Variants in OTOGL observed in about 807,000 individuals in gnomAD.
The protein encoded by OTOGL is otogelin-like protein.
OTOGL carries 285 observed loss-of-function variants against 318.5 expected under a neutral mutation model. The observed-to-expected ratio is 0.89, with a 90% CI of 0.81 to 0.99. The LOEUF is 0.99. Among genes scored for constraint, OTOGL ranks in the 50% least tolerant of loss-of-function variants. The pLI is 0.00. For synonymous variants in OTOGL, 987 were observed against 936.5 expected, an observed-to-expected ratio of 1.05 and a Z score of -0.99; for missense variants, 2,899 against 2,845.6, an observed-to-expected ratio of 1.02 and a Z score of -0.43.
intron 52 of OTOGL, among the ~76,000 whole-genome samples, chr12:80,359,142 CT>C (rs1377642105): frequency 1.3e-5 from 2 of 152,092 alleles, no homozygotes; most frequent in African/African-American, 4.8e-5. Context: ...AATCTTATAT[CT>C]ACTTCAGTTC....
chr12:80,326,511 G>A (rs1887688705), intron 35 of OTOGL, among the ~76,000 whole-genome samples: 1 of 152,068 alleles, frequency 6.6e-6, no homozygotes, highest in African/African-American at 2.4e-5. Context: ...GGATGGCTGT[G>A]GTTTTGACTT....
intron 19 of OTOGL, among the ~76,000 whole-genome samples, chr12:80,263,620 A>C (rs1054771075): frequency 3.3e-5 from 5 of 152,098 alleles, no homozygotes; most frequent in Non-Finnish European, 7.4e-5. Flanking sequence ...CCTAAACCAC[A>C]CACATGCTAT....
At chr12:80,121,669 C>T (rs1870498134) in intron 1 of OTOGL, among the ~76,000 whole-genome samples, 1 of 152,186 alleles carries the variant, frequency 6.6e-6, no homozygotes, top group Non-Finnish European at 1.5e-5. Flanking sequence ...CACTAAAACA[C>T]TTCTCTTCGT....
At chr12:80,198,532 C>T (rs1876239249) in intron 1 of OTOGL, among the ~76,000 whole-genome samples, 4 of 152,070 alleles carry the variant, frequency 2.6e-5, no homozygotes, top group Admixed American at 2.0e-4. Flanking sequence ...TGCAGTGAGC[C>T]GAGATCATGC....
chr12:80,246,133 T>C (rs1421999945), intron 11 of OTOGL, among the ~76,000 whole-genome samples: 1 of 151,644 alleles, frequency 6.6e-6, no homozygotes, highest in Non-Finnish European at 1.5e-5. Flanking sequence ...CTTCCTCTTT[T>C]CCTAATTGAA....
At chr12:80,325,983 G>T (rs1887654332) in intron 35 of OTOGL, among the ~76,000 whole-genome samples, 1 of 152,072 alleles carries the variant, frequency 6.6e-6, no homozygotes, top group African/African-American at 2.4e-5. Flanking sequence ...TGTATGTTTG[G>T]GATGCAGAGA....
chr12:80,254,683 C>G, intron 15 of OTOGL, 113 bp downstream of exon 15: 3 of 820,798 alleles, frequency 3.7e-6, no homozygotes, highest in Admixed American at 5.7e-5. Flanking sequence ...CTACAATAAT[C>G]TGTAAATGCA....
At chr12:80,165,579 G>C (rs2137203250) in intron 1 of OTOGL, among the ~76,000 whole-genome samples, 1 of 152,292 alleles carries the variant, frequency 6.6e-6, no homozygotes, top group South Asian at 2.1e-4. Flanking sequence ...ACTGAGCTCT[G>C]TTTCTTCTGT....
chr12:80,287,196 G>A (rs991014277), intron 26 of OTOGL, among the ~76,000 whole-genome samples: 7 of 151,732 alleles, frequency 4.6e-5, no homozygotes, highest in African/African-American at 1.7e-4. Flanking sequence ...TTTCCATGTA[G>A]TTGTGCAGTT....
chr12:80,266,400 G>A, intron 20 of OTOGL, 51 bp from the exon 21 acceptor site: 2 of 1,581,434 alleles, frequency 1.3e-6, no homozygotes, highest in Non-Finnish European at 1.7e-6. Flanking sequence ...GGCATAAAAT[G>A]TTTCTATGTG....
rs1362296985 is a variant in OTOGL at position 80,355,896 on chromosome 12, A to C, written c.5754A>C (p.Glu1918Asp). 1.2e-6 allele frequency: 2 copies of C among 1,613,946 alleles called. No homozygotes were observed. Among genetic ancestry groups the C allele is most frequent in the Non-Finnish European group, 1.7e-6 (2 of 1,179,826 alleles). Residue 1918 changes from glutamate to aspartate, a missense_variant, in exon 47 of 59, where the codon GAA becomes GAC. Coordinates refer to ENST00000547103, the MANE Select transcript of OTOGL (RefSeq NM_001378609.3). ...EPTPVCEREA[E>D]VVMGIIDKWT... The stretch of plus-strand genomic sequence containing the variant: ...CGCCAGTTTGTGAACGAGAAGCTGA[A>C]GTTGTCATGGGCATCATTGATAAAT...
chr12:80,229,436 A>G lies in OTOGL; in HGVS notation c.611+58A>G, dbSNP rs1158851609. The G allele has an allele frequency of 2.0e-6, 3 of 1,524,936 alleles. No individual in the cohort carries two copies. In the African/African-American group the frequency reaches 4.1e-5, roughly 21 times the overall value. 94.5% of individuals were successfully genotyped at this position (1,524,936 alleles called of 1,614,324 possible). ...CACCACAAATTAATAGAATTTCCAA[A>G]CATCACATGCTGGAAGTGAACTGTG... On this transcript the variant is annotated intron_variant, in intron 8 of 58. Coordinates refer to ENST00000547103, the MANE Select transcript of OTOGL (RefSeq NM_001378609.3).
intron 23 of OTOGL, among the ~76,000 whole-genome samples, chr12:80,271,341 G>T (rs1883392531): frequency 6.6e-6 from 1 of 152,076 alleles, no homozygotes; most frequent in Admixed American, 6.6e-5. Context: ...ATGACTTGAG[G>T]TGAAGCAAGA....
intron 16 of OTOGL, among the ~76,000 whole-genome samples, chr12:80,255,949 CT>C (rs1377953598): frequency 6.6e-6 from 1 of 151,662 alleles, no homozygotes. Flanking sequence ...GCTTTATTGA[CT>C]TTTTTTGTCT....
intron 1 of OTOGL, among the ~76,000 whole-genome samples, chr12:80,204,570 A>C (rs1340791167): frequency 6.6e-6 from 1 of 152,182 alleles, no homozygotes; most frequent in African/African-American, 2.4e-5. Context: ...AAAATATATA[A>C]AGTAACCTAG....
chr12:80,217,521 C>A, intron 4 of OTOGL, 77 bp from the exon 5 acceptor site: 1 of 993,212 alleles, frequency 1.0e-6, no homozygotes, highest in South Asian at 1.5e-5. Flanking sequence ...TAGTTATTTT[C>A]TAGATTTGCC....
intron 11 of OTOGL, among the ~76,000 whole-genome samples, chr12:80,247,350 T>A (rs1881005765): frequency 7.2e-6 from 1 of 139,654 alleles, no homozygotes; most frequent in African/African-American, 3.0e-5. Context: ...TCCCAGAGAT[T>A]CTGGTATGTT....
chr12:80,214,907 A>G (rs547040937), intron 4 of OTOGL, among the ~76,000 whole-genome samples: 10 of 152,310 alleles, frequency 6.6e-5, no homozygotes, highest in African/African-American at 2.4e-4. Context: ...GTCAATAAAT[A>G]AATAAATAAA....
chr12:80,176,402 C>T (rs190677704), intron 1 of OTOGL, among the ~76,000 whole-genome samples: 278 of 152,186 alleles, frequency 1.8e-3, no homozygotes, highest in African/African-American at 6.2e-3. Context: ...TTTCCCATTC[C>T]CTTTAGAAAA....
Sources: gnomAD v4.1 joint callset for allele counts (sites outside exome capture counted in the v4.1 genomes callset) on GRCh38, gnomAD v4.1.1 for gene constraint, MANE v1.5 for transcripts, NCBI Gene and HGNC (gene_info 2026-07-23, HGNC 2026-07-21) for gene names.